FN3K: variants seen among roughly 807,000 people sequenced by gnomAD.
FN3K encodes the protein fructosamine-3-kinase.
FN3K carries 24 observed loss-of-function variants against 24.8 expected under a neutral mutation model. The observed-to-expected ratio is 0.97, with a 90% CI of 0.70 to 1.36. The LOEUF (loss-of-function observed/expected upper bound fraction) is 1.36. Among genes scored for constraint, FN3K ranks in the 40% most tolerant of loss-of-function variants. FN3K has a pLI of 0.00. For missense variants in FN3K, 449 were observed against 416.7 expected (o/e 1.08, Z -0.67); for synonymous variants, 192 against 175.2 (o/e 1.10, Z -0.76).
chr17:82,742,758 G>A, intron 4 of FN3K: 1 of 455,708 alleles, frequency 2.2e-6, no homozygotes, highest in South Asian at 1.6e-5. Flanking sequence ...GTTTTGTTAG[G>A]AACACAGCAC....
intron 4 of FN3K, among the ~76,000 whole-genome samples, chr17:82,741,984 C>T (rs775695287): frequency 1.1e-4 from 16 of 152,090 alleles, no homozygotes; most frequent in Non-Finnish European, 1.5e-4. Flanking sequence ...CTCGACCCAC[C>T]GCAACATCGG....
intron 5 of FN3K, 25 bp downstream of exon 5, chr17:82,749,002 G>A (rs1598343962): frequency 1.2e-6 from 2 of 1,614,016 alleles, no homozygotes; most frequent in Non-Finnish European, 1.7e-6. Context: ...GACTTCTCTG[G>A]GAAAGAGCTG....
In FN3K at chr17:82,737,536, A is replaced by C. The variant is rs554785946; in HGVS notation, c.142-953A>C. ...ACGAGGTTTCACCGTGTTAGCCAGG[A>C]TGGTCTCAATCTCCTGACCTTGTGA... On this transcript the variant is annotated intron_variant, in intron 1 of 5. Coordinates refer to ENST00000300784, the MANE Select transcript of FN3K (RefSeq NM_022158.4). Among the ~76,000 whole-genome samples the C allele has an allele frequency of 3.3e-5, 5 of 152,178 alleles. No homozygotes were observed. In the South Asian group the frequency reaches 1.0e-3, roughly 32 times the overall value.
chr17:82,743,092 G>A lies in FN3K; in HGVS notation c.468+1699G>A, dbSNP rs369717461. The stretch of plus-strand genomic sequence containing the variant: ...CTCCCCTGGGGTCACACACCTGTCC[G>A]GAGCCAGTGAGCAGCACCCTCTTCA... On this transcript the variant is annotated intron_variant, in intron 4 of 5. Coordinates refer to ENST00000300784, the MANE Select transcript of FN3K (RefSeq NM_022158.4). Among the ~76,000 whole-genome samples the A allele has an allele frequency of 5.9e-5, 9 of 152,088 alleles. No individual in the cohort carries two copies. In the East Asian group the frequency reaches 9.7e-4, roughly 16 times the overall value.
intron 2 of FN3K, among the ~76,000 whole-genome samples, 184 bp from the exon 3 acceptor site, chr17:82,740,579 A>G (rs1197666957): frequency 6.6e-6 from 1 of 152,172 alleles, no homozygotes; most frequent in East Asian, 1.9e-4. Context: ...ATGACAGAGC[A>G]AGGCCTGGCC....
In FN3K at chr17:82,748,951, G is replaced by A; in HGVS notation, c.565G>A (p.Ala189Thr). 6.2e-7 allele frequency: 1 copy of A among 1,614,204 alleles called. No homozygotes were observed. The highest frequency in any genetic ancestry group is 1.3e-5 in the African/African-American group (1 of 75,060). ...LIEKDYADRE[A>T]RELWSRLQVK... is the part of the protein sequence containing the mutation. The stretch of plus-strand genomic sequence containing the variant: ...TGAGAAGGACTATGCTGACCGAGAG[G>A]CACGAGAACTCTGGTCCCGGCTACA... The change falls in exon 5 of 6, where the codon GCA (alanine) becomes ACA (threonine). Residue 189 changes from alanine to threonine, a missense_variant. Ala to Thr is a moderately conservative substitution (Grantham distance 58). Coordinates refer to ENST00000300784, the MANE Select transcript of FN3K (RefSeq NM_022158.4).
chr17:82,738,944 A>T (rs201021764), intron 2 of FN3K, among the ~76,000 whole-genome samples: 8 of 83,060 alleles, frequency 9.6e-5, no homozygotes, highest in African/African-American at 4.4e-4. Flanking sequence ...ATATATATAT[A>T]TATTTTTTTT....
At chr17:82,749,282 C>G (rs971088381) in intron 5 of FN3K, 28 of 453,076 alleles carry the variant, frequency 6.2e-5, no homozygotes, top group African/African-American at 5.6e-4. Context: ...GATTACTGTT[C>G]TTACTATCAG....
chr17:82,746,536 C>A (rs954684430), intron 4 of FN3K, among the ~76,000 whole-genome samples: 1 of 151,956 alleles, frequency 6.6e-6, no homozygotes, highest in Non-Finnish European at 1.5e-5. Flanking sequence ...CATGGTGGCT[C>A]GCGCCTGTAA....
chr17:82,739,802 C>T (rs2046930772), intron 2 of FN3K, among the ~76,000 whole-genome samples: 1 of 152,204 alleles, frequency 6.6e-6, no homozygotes, highest in African/African-American at 2.4e-5. Context: ...TGGTCTCAAA[C>T]TCCTGACCTC....
At chr17:82,736,135 G>C in intron 1 of FN3K, 1 of 264,708 alleles carries the variant, frequency 3.8e-6, no homozygotes, top group Non-Finnish European at 7.3e-6. Flanking sequence ...AGACATGGCT[G>C]GGCCCCTGGC....
chr17:82,746,339 T>G (rs1016325163), intron 4 of FN3K, among the ~76,000 whole-genome samples: 1 of 152,206 alleles, frequency 6.6e-6, no homozygotes, highest in African/African-American at 2.4e-5. Flanking sequence ...ACAAAATATC[T>G]TCTTTGGTGA....
intron 4 of FN3K, 102 bp from the exon 5 acceptor site, chr17:82,748,753 G>A (rs1782286711): frequency 5.8e-6 from 9 of 1,562,504 alleles, no homozygotes; most frequent in Non-Finnish European, 7.9e-6. Context: ...CTCCTTTGTT[G>A]GCTTACTAGG....
intron 5 of FN3K, chr17:82,749,227 T>C (rs200106619): frequency 6.0e-5 from 34 of 571,132 alleles, no homozygotes; most frequent in South Asian, 1.9e-4. Flanking sequence ...CCTCAGACTT[T>C]CCTCATGTGA....
intron 5 of FN3K, chr17:82,749,513 A>T (rs1334463662): frequency 4.3e-6 from 1 of 232,492 alleles, no homozygotes; most frequent in African/African-American, 2.3e-5. Context: ...AAAATGCAAA[A>T]ATTAACCGTG....
intron 1 of FN3K, chr17:82,736,439 G>A (rs1215995251): frequency 6.6e-6 from 1 of 152,410 alleles, no homozygotes; most frequent in Admixed American, 6.6e-5. Flanking sequence ...GGGAGGCTGA[G>A]GCAGGAGAAT....
intron 4 of FN3K, among the ~76,000 whole-genome samples, chr17:82,743,713 TC>T: frequency 6.6e-6 from 1 of 152,342 alleles, no homozygotes; most frequent in South Asian, 2.1e-4. Flanking sequence ...ATGTCACTGA[TC>T]CGTTTTATAG....
chr17:82,741,096 T>C (rs2046938677), intron 3 of FN3K: 1 of 666,756 alleles, frequency 1.5e-6, no homozygotes, highest in South Asian at 1.7e-5. Flanking sequence ...GAGGTAATAA[T>C]AACCCCTTTT....
chr17:82,744,332 AT>A (rs2046956658), intron 4 of FN3K, among the ~76,000 whole-genome samples: 1 of 152,174 alleles, frequency 6.6e-6, no homozygotes, highest in African/African-American at 2.4e-5. Context: ...AAAATGTATA[AT>A]TTGGTACATT....
Sources: allele counts gnomAD v4.1 joint callset (sites outside exome capture counted in the v4.1 genomes callset), GRCh38; gene constraint gnomAD v4.1.1; transcripts MANE v1.5; gene names NCBI Gene and HGNC (gene_info 2026-07-23, HGNC 2026-07-21).